Variants in GNB4 observed in about 807,000 individuals in gnomAD.
The protein encoded by GNB4 is G protein subunit beta 4, also known as guanine nucleotide-binding protein subunit beta-4.
A neutral mutation model predicts 45.2 loss-of-function variants in GNB4; 28 were observed. The ratio of observed to expected loss-of-function variants is 0.62; its 90% CI spans 0.46 to 0.85. The LOEUF is 0.85. Ranked by LOEUF, GNB4 falls within the 40% of genes least tolerant of loss-of-function variation. GNB4 has a pLI of 0.00. For synonymous variants in GNB4, 132 were observed against 143.7 expected (o/e 0.92, Z 0.58); for missense variants, 321 against 425.4 (o/e 0.75, Z 2.16).
intron 9 of GNB4, 61 bp downstream of exon 9, chr3:179,405,129 C>A: frequency 7.7e-7 from 1 of 1,306,172 alleles, no homozygotes; most frequent in Non-Finnish European, 1.1e-6. Context: ...TAGAACACAA[C>A]TGATGGGAAC....
intron 4 of GNB4, among the ~76,000 whole-genome samples, chr3:179,418,082 A>T (rs1479719470): frequency 6.6e-6 from 1 of 152,234 alleles, no homozygotes; most frequent in East Asian, 1.9e-4. Flanking sequence ...AGCAAGAACC[A>T]TAAACATTGT....
the GNB4 span, among the ~76,000 whole-genome samples, chr3:179,478,861 A>G: frequency 6.6e-6 from 1 of 152,188 alleles, no homozygotes; most frequent in Non-Finnish European, 1.5e-5. Flanking sequence ...CTCATCATAG[A>G]GTTCTCATGA....
chr3:179,521,232 C>T, the GNB4 span, among the ~76,000 whole-genome samples: 5 of 152,296 alleles, frequency 3.3e-5, no homozygotes, highest in East Asian at 1.9e-4. Context: ...AGTCTGATAA[C>T]GGACCAGCCT....
Position 179,397,305 on chromosome 3 carries a change from A to G in GNB4, c.*3908T>C, listed in dbSNP as rs1714146971. 6.6e-6 allele frequency: 1 copy of G among 152,258 alleles called. No homozygotes were observed. Among genetic ancestry groups the G allele is most frequent in the Admixed American group, 6.5e-5 (1 of 15,282 alleles). The allele number at this position is 152,258 out of a possible 1,614,324, so 9.4% of individuals were successfully genotyped here. On this transcript the variant is annotated 3_prime_UTR_variant, in exon 10 of 10. Coordinates refer to ENST00000232564, the MANE Select transcript of GNB4 (RefSeq NM_021629.4). ...GCTTAAGGTCTTATTATTAAATCCAAAATACCAAAAGTATTAGAGGAGCTA... is the reference window on the plus strand; with the variant it reads ...GCTTAAGGTCTTATTATTAAATCCAGAATACCAAAAGTATTAGAGGAGCTA...
At chr3:179,488,964 A>C in the GNB4 span, among the ~76,000 whole-genome samples, 1 of 122,506 alleles carries the variant, frequency 8.2e-6, no homozygotes, top group African/African-American at 3.1e-5. Flanking sequence ...AGCCTGGGTG[A>C]CACAGTGAGA....
At chr3:179,457,734 G>T in the GNB4 span, among the ~76,000 whole-genome samples, 1 of 152,132 alleles carries the variant, frequency 6.6e-6, no homozygotes, top group Non-Finnish European at 1.5e-5. Context: ...AATGCTTCTA[G>T]GAGTGGAATC....
chr3:179,422,789 G>C (rs1715029580), intron 2 of GNB4, among the ~76,000 whole-genome samples: 1 of 152,042 alleles, frequency 6.6e-6, no homozygotes, highest in Non-Finnish European at 1.5e-5. Flanking sequence ...ATGGGAGGAG[G>C]AAGGAAGGAA....
the GNB4 span, among the ~76,000 whole-genome samples, chr3:179,469,597 C>T: frequency 4.8e-4 from 73 of 152,112 alleles, no homozygotes; most frequent in South Asian, 7.7e-3. Context: ...GTTAATCACA[C>T]CATAAAATAG....
At chr3:179,442,437 C>T (rs1203558961) in intron 1 of GNB4, among the ~76,000 whole-genome samples, 1 of 152,168 alleles carries the variant, frequency 6.6e-6, no homozygotes, top group African/African-American at 2.4e-5. Flanking sequence ...AGAGGAGCCT[C>T]TTGGTTTTAG....
At position 179,413,535 on chromosome 3, in the gene GNB4, CAAAG is replaced by C. The variant is rs756429902; in HGVS notation, c.572_575del (p.Ser191Ter). On this transcript the variant is annotated frameshift_variant, in exon 8 of 10. Transcript: ENST00000232564. LOFTEE classifies it high-confidence loss of function. ...AAACAAAAGTCCTCATGTCAGGACT[CAAAG>C]AAAGACTCATCACATCTCCAGAATG... 6.2e-7 allele frequency: 1 copy of C among 1,614,082 alleles called. No individual in the cohort carries two copies. Among genetic ancestry groups the C allele is most frequent in the Non-Finnish European group, 8.5e-7 (1 of 1,179,946 alleles).
chr3:179,471,134 G>A, the GNB4 span, among the ~76,000 whole-genome samples: 33 of 148,558 alleles, frequency 2.2e-4, no homozygotes, highest in Middle Eastern at 3.5e-3. Flanking sequence ...AGTTGAGATC[G>A]CGCCACTGCA....
chr3:179,497,328 A>G, the GNB4 span, among the ~76,000 whole-genome samples: 2 of 152,168 alleles, frequency 1.3e-5, no homozygotes, highest in African/African-American at 4.8e-5. Context: ...AGACCTTTAT[A>G]TTACACCATA....
In GNB4 at chr3:179,414,940, GTT is replaced by G; in HGVS notation, c.373_374del (p.Asn125LeufsTer29). On this transcript the variant is annotated frameshift_variant, in exon 6 of 10. Transcript: ENST00000232564. LOFTEE classifies it high-confidence loss of function. ...GGLDNICSIY[N>X]LKTREGNVRV... ...TCACATTTCCCTCTCTGGTCTTTAA[GTT>G]ATATATAGAGCAGATGTTGTCCAAG... is the stretch of plus-strand genomic sequence containing the variant. The G allele has an allele frequency of 6.2e-7, 1 of 1,610,564 alleles. No individual in the cohort carries two copies. Among genetic ancestry groups the G allele is most frequent in the Non-Finnish European group, 8.5e-7 (1 of 1,177,542 alleles).
At chr3:179,517,156 T>C in the GNB4 span, among the ~76,000 whole-genome samples, 2 of 152,034 alleles carry the variant, frequency 1.3e-5, no homozygotes, top group African/African-American at 4.8e-5. Context: ...CCTTAACTGA[T>C]GACATTCCAC....
At chr3:179,501,461 G>A in the GNB4 span, among the ~76,000 whole-genome samples, 10 of 149,704 alleles carry the variant, frequency 6.7e-5, no homozygotes, top group African/African-American at 2.5e-4. Flanking sequence ...ACCACACCTG[G>A]CTAATTTTTG....
At chr3:179,498,616 G>A in the GNB4 span, among the ~76,000 whole-genome samples, 6 of 152,104 alleles carry the variant, frequency 3.9e-5, no homozygotes, top group African/African-American at 1.4e-4. Context: ...TGTATTTTTA[G>A]TGGAGCCAGG....
At chr3:179,506,729 C>G in the GNB4 span, among the ~76,000 whole-genome samples, 1 of 152,168 alleles carries the variant, frequency 6.6e-6, no homozygotes, top group East Asian at 1.9e-4. Flanking sequence ...TCATGCTTCT[C>G]AAATCCTAGT....
the GNB4 span, among the ~76,000 whole-genome samples, chr3:179,500,391 G>GTA: frequency 6.6e-6 from 1 of 152,178 alleles, no homozygotes; most frequent in Non-Finnish European, 1.5e-5. Context: ...TCAGATGGTT[G>GTA]TAGATGTGTG....
intron 1 of GNB4, chr3:179,451,042 G>A (rs1715858098): frequency 6.6e-6 from 1 of 152,222 alleles, no homozygotes; most frequent in Non-Finnish European, 1.5e-5. Context: ...GGGGTCTGCA[G>A]GACTTGGACC....
Sources: allele counts gnomAD v4.1 joint callset (sites outside exome capture counted in the v4.1 genomes callset), GRCh38; gene constraint gnomAD v4.1.1; transcripts MANE v1.5; gene names NCBI Gene and HGNC (gene_info 2026-07-23, HGNC 2026-07-21).